The following PCDHGA4 variants were observed in gnomAD, a reference collection of about 807,000 sequenced individuals.
PCDHGA4 encodes protocadherin gamma-A4.
A neutral mutation model predicts 54.6 loss-of-function variants in PCDHGA4; 38 were observed. The ratio of observed to expected loss-of-function variants is 0.70; its 90% CI spans 0.54 to 0.91. The LOEUF is 0.91. Among genes scored for constraint, PCDHGA4 ranks in the 40% least tolerant of loss-of-function variants. The pLI is 0.00. For missense variants in PCDHGA4, 1,298 were observed against 1,220.9 expected (o/e 1.06, Z -0.94); for synonymous variants, 511 against 512.9 (o/e 1.00, Z 0.05).
At chr5:141,503,309 A>G (rs2099819130) in intron 2 of PCDHGA4, among the ~76,000 whole-genome samples, 1 of 152,034 alleles carries the variant, frequency 6.6e-6, no homozygotes, top group Non-Finnish European at 1.5e-5. Flanking sequence ...TCAAGAAAGA[A>G]TTGTTGGAGG....
At chr5:141,447,280 C>T (rs2098533193) in intron 1 of PCDHGA4, among the ~76,000 whole-genome samples, 1 of 152,172 alleles carries the variant, frequency 6.6e-6, no homozygotes, top group Non-Finnish European at 1.5e-5. Context: ...GCTGGGACTA[C>T]AGGCACATGC....
intron 1 of PCDHGA4, chr5:141,379,749 T>A (rs1396117156): frequency 6.6e-6 from 1 of 152,138 alleles, no homozygotes; most frequent in African/African-American, 2.4e-5. Flanking sequence ...ATGAGGTTCT[T>A]TAATCCACCT....
At chr5:141,414,489 G>A (rs754325517) in intron 1 of PCDHGA4, 33 of 1,613,754 alleles carry the variant, frequency 2.0e-5, no homozygotes, top group Middle Eastern at 1.6e-4. Flanking sequence ...CTCTATCAAC[G>A]GAAGCTCACT....
intron 1 of PCDHGA4, chr5:141,379,407 A>G (rs750448486): frequency 1.2e-4 from 18 of 152,228 alleles, no homozygotes; most frequent in Admixed American, 2.6e-4. Flanking sequence ...AATCTTGGAT[A>G]TTAGTCTCAT....
chr5:141,366,750 AG>A, intron 1 of PCDHGA4: 1 of 1,607,760 alleles, frequency 6.2e-7, no homozygotes, highest in East Asian at 2.2e-5. Flanking sequence ...CGGCGAGTTC[AG>A]GTTAGTTTTC....
rs1216840918 is a variant in PCDHGA4, at chr5:141,476,285, G to C, written c.2515-18522G>C. The C allele has an allele frequency of 1.2e-6, 2 of 1,614,036 alleles. No individual in the cohort carries two copies. The highest frequency in any genetic ancestry group is 1.7e-6 in the Non-Finnish European group (2 of 1,180,032). ...CAACGTGGTCGCGAACCTTGGTTTG[G>C]ATCTCGGTAGCCTCTCAGCCCGCAG... On this transcript the variant is annotated intron_variant, in intron 1 of 3. Coordinates refer to ENST00000571252, the MANE Select transcript of PCDHGA4 (RefSeq NM_018917.4). This position sits in a 1 kb window ranked among gnomAD's most constrained non-coding sequence, Gnocchi z 7.6.
intron 1 of PCDHGA4, chr5:141,419,071 A>G: frequency 6.2e-7 from 1 of 1,614,006 alleles, no homozygotes; most frequent in South Asian, 1.1e-5. Flanking sequence ...ACTACAAGCT[A>G]GTAACAGATG....
intron 1 of PCDHGA4, chr5:141,359,968 T>C (rs1761374552): frequency 1.5e-6 from 1 of 669,776 alleles, no homozygotes; most frequent in Non-Finnish European, 2.2e-6. Flanking sequence ...AGAGAAGCGT[T>C]TGGGAGCCTC....
chr5:141,469,595 CAAAAT>C (rs919167679), intron 1 of PCDHGA4, among the ~76,000 whole-genome samples: 3 of 151,998 alleles, frequency 2.0e-5, no homozygotes, highest in Admixed American at 6.6e-5. Context: ...ATAAATAAAA[CAAAAT>C]AAGTAAAATA....
At chr5:141,385,191 G>A (rs775228510) in intron 1 of PCDHGA4, 1 of 1,614,086 alleles carries the variant, frequency 6.2e-7, no homozygotes, top group African/African-American at 1.3e-5. Context: ...CGGACTCTCG[G>A]AAGAGTCACC....
intron 1 of PCDHGA4, chr5:141,422,327 T>C (rs1561800795): frequency 1.3e-6 from 2 of 1,548,652 alleles, no homozygotes; most frequent in African/African-American, 2.8e-5. Context: ...GGTACAGTGA[T>C]TGCTCTTCTA....
At chr5:141,390,423 C>A in intron 1 of PCDHGA4, 1 of 1,058,544 alleles carries the variant, frequency 9.4e-7, no homozygotes, top group Non-Finnish European at 1.3e-6. Context: ...AGTTAAAAAG[C>A]TGTCATATCA....
intron 1 of PCDHGA4, chr5:141,416,276 A>G (rs553989511): frequency 6.6e-6 from 1 of 152,388 alleles, no homozygotes; most frequent in East Asian, 1.9e-4. Context: ...TTTTGCATAC[A>G]ATTCTCTAAT....
rs1477359818 is a variant in PCDHGA4, at chr5:141,397,350, G to A, written c.2514+39729G>A. 3.9e-5 allele frequency among the ~76,000 whole-genome samples: 6 copies of A among 152,268 alleles called. No individual in the cohort carries two copies. In the East Asian group the frequency reaches 9.6e-4, roughly 24 times the overall value. On this transcript the variant is annotated intron_variant, in intron 1 of 3. Coordinates refer to ENST00000571252, the MANE Select transcript of PCDHGA4 (RefSeq NM_018917.4). ...TATTTTTATAAAGAATGTTAATATA[G>A]TCAGGAAGAGGAGATGTTTGGGGAT... is the stretch of plus-strand genomic sequence containing the variant.
intron 1 of PCDHGA4, chr5:141,399,601 C>T: frequency 6.2e-7 from 1 of 1,613,986 alleles, no homozygotes; most frequent in South Asian, 1.1e-5. Context: ...GGCCAGCGAC[C>T]TAGAGCCTCT....
At chr5:141,419,889 A>T in intron 1 of PCDHGA4, 1 of 1,614,084 alleles carries the variant, frequency 6.2e-7, no homozygotes, top group Middle Eastern at 1.6e-4. Flanking sequence ...GATTTCAGCG[A>T]CCATCCCACA....
chr5:141,443,561 C>T (rs1487096752), intron 1 of PCDHGA4, among the ~76,000 whole-genome samples: 3 of 152,118 alleles, frequency 2.0e-5, no homozygotes, highest in Non-Finnish European at 1.5e-5. Context: ...AATTCAAATG[C>T]TTTAAATGGA....
At chr5:141,375,812 C>T (rs1162133634) in intron 1 of PCDHGA4, 1 of 1,614,208 alleles carries the variant, frequency 6.2e-7, no homozygotes, top group Non-Finnish European at 8.5e-7. Context: ...TGGCGTGGAG[C>T]TGGCGCCCCG....
intron 1 of PCDHGA4, among the ~76,000 whole-genome samples, chr5:141,444,735 C>A (rs924159168): frequency 1.3e-5 from 2 of 152,116 alleles, no homozygotes; most frequent in Admixed American, 1.3e-4. Context: ...TGTTGAAAGT[C>A]ATTTCACTGA....
Sources: allele counts gnomAD v4.1 joint callset (sites outside exome capture counted in the v4.1 genomes callset), GRCh38; gene constraint gnomAD v4.1.1; non-coding constraint Gnocchi (gnomAD v3.1); transcripts MANE v1.5; gene names NCBI Gene and HGNC (gene_info 2026-07-23, HGNC 2026-07-21).